The following TMCC1 variants were observed in gnomAD, a reference collection of about 807,000 sequenced individuals.
TMCC1 encodes the protein transmembrane and coiled-coil domains protein 1.
Under a neutral mutation model 52.4 loss-of-function variants are expected in TMCC1, and 15 were observed. The observed-to-expected ratio is 0.29, with a 90% CI of 0.19 to 0.44. The LOEUF (loss-of-function observed/expected upper bound fraction) is 0.44, where lower values mean the gene tolerates loss of function less well. Among genes scored for constraint, TMCC1 ranks in the 20% least tolerant of loss-of-function variants. The probability of loss-of-function intolerance (pLI) is 1.00; values close to 1 mark genes in which losing one functional copy is unlikely to be tolerated. For synonymous variants in TMCC1, 279 were observed against 301.9 expected (o/e 0.92, Z 0.79); for missense variants, 503 against 806.0 (o/e 0.62, Z 4.55).
At position 129,825,096 on chromosome 3, in the gene TMCC1, C is replaced by T. The variant is rs188601481; in HGVS notation, c.576+2707G>A. Among the ~76,000 whole-genome samples the T allele has an allele frequency of 4.6e-5, 7 of 152,296 alleles. No homozygotes were observed. In the East Asian group the frequency reaches 1.3e-3, roughly 29 times the overall value. ...CAATGTCCTGTCAGGCATCCATCCC[C>T]TCACTTCCACCTACCAATCCTCACC... On this transcript the variant is annotated intron_variant, in intron 4 of 6. Coordinates refer to ENST00000393238, the MANE Select transcript of TMCC1 (RefSeq NM_001017395.5).
In TMCC1 at chr3:129,649,760, C is replaced by A. The variant is rs2086215486; in HGVS notation, c.*1721G>T. The A allele has an allele frequency of 6.6e-6, 1 of 152,336 alleles. No individual in the cohort carries two copies. Among genetic ancestry groups the A allele is most frequent in the Non-Finnish European group, 1.5e-5 (1 of 68,026 alleles). 9.4% of individuals were successfully genotyped at this position (152,336 alleles called of 1,614,324 possible). Reference sequence around the variant, plus strand: ...GGCATCTTATATGCACTTGGTTGCACAGAATGAGGCTAAGAGGGAACAGCA... The same window carrying A: ...GGCATCTTATATGCACTTGGTTGCAAAGAATGAGGCTAAGAGGGAACAGCA... On this transcript the variant is annotated 3_prime_UTR_variant, in exon 7 of 7. Transcript: ENST00000393238.
chr3:129,731,879 C>T (rs1433772328), intron 4 of TMCC1, among the ~76,000 whole-genome samples: 1 of 152,092 alleles, frequency 6.6e-6, no homozygotes, highest in African/African-American at 2.4e-5. Context: ...CCTGCCTCAG[C>T]CTCCCAAAGG....
chr3:129,726,479 T>C (rs1366138168), intron 4 of TMCC1, among the ~76,000 whole-genome samples: 1 of 152,322 alleles, frequency 6.6e-6, no homozygotes, highest in African/African-American at 2.4e-5. Context: ...GATTATTTTA[T>C]TGTGCTTTAC....
chr3:129,789,472 C>T (rs1283376026), intron 4 of TMCC1, among the ~76,000 whole-genome samples: 1 of 152,164 alleles, frequency 6.6e-6, no homozygotes, highest in Non-Finnish European at 1.5e-5. Context: ...CAAATTCTGA[C>T]CAACATTTCT....
intron 4 of TMCC1, among the ~76,000 whole-genome samples, chr3:129,761,435 G>C (rs1019756975): frequency 6.6e-6 from 1 of 151,672 alleles, no homozygotes. Context: ...CTCACACAGG[G>C]TCTTGCCTTG....
In TMCC1 at chr3:129,675,280, G is replaced by C. The variant is rs577142389; in HGVS notation, c.577-4016C>G. Among the ~76,000 whole-genome samples, 101 of 152,342 alleles carry C rather than the reference G, an allele frequency of 6.6e-4. 1 individual carries two copies. The South Asian group carries it at 0.02, about 31-fold the overall frequency. Reference sequence around the variant, plus strand: ...GGAAAGGCACAAATCCAACAAACAAGATTGAGTCTGGCTCCATATAGTACA... The same window carrying C: ...GGAAAGGCACAAATCCAACAAACAACATTGAGTCTGGCTCCATATAGTACA... On this transcript the variant is annotated intron_variant, in intron 4 of 6. Coordinates refer to ENST00000393238, the MANE Select transcript of TMCC1 (RefSeq NM_001017395.5).
At chr3:129,780,672 G>T (rs1451913411) in intron 4 of TMCC1, among the ~76,000 whole-genome samples, 1 of 151,894 alleles carries the variant, frequency 6.6e-6, no homozygotes, top group Admixed American at 6.6e-5. Flanking sequence ...CCAGAGTCTT[G>T]GCTTAAAATG....
At chr3:129,769,631 A>C (rs570221073) in intron 4 of TMCC1, among the ~76,000 whole-genome samples, 1 of 151,372 alleles carries the variant, frequency 6.6e-6, no homozygotes, top group African/African-American at 2.4e-5. Flanking sequence ...TCTTCTTCCA[A>C]TGTGGTGTAG....
At chr3:129,764,757 G>GTGTGTA (rs1311267538) in intron 4 of TMCC1, among the ~76,000 whole-genome samples, 1 of 73,416 alleles carries the variant, frequency 1.4e-5, no homozygotes, top group African/African-American at 9.9e-5. Flanking sequence ...GTGTGTGTGT[G>GTGTGTA]TATATATATA....
chr3:129,808,842 A>T (rs1240648794), intron 4 of TMCC1, among the ~76,000 whole-genome samples: 1 of 151,426 alleles, frequency 6.6e-6, no homozygotes, highest in African/African-American at 2.4e-5. Context: ...GTTATTTAGA[A>T]AATATTTAGA....
At chr3:129,701,858 C>T (rs2108974187) in intron 4 of TMCC1, among the ~76,000 whole-genome samples, 1 of 152,244 alleles carries the variant, frequency 6.6e-6, no homozygotes, top group East Asian at 1.9e-4. Context: ...CACCTCCAGA[C>T]TCAAAGATGG....
chr3:129,672,803 T>C (rs1454993985), intron 4 of TMCC1, among the ~76,000 whole-genome samples: 2 of 152,306 alleles, frequency 1.3e-5, no homozygotes, highest in East Asian at 3.9e-4. Context: ...CCTCATATTT[T>C]CATGACAATA....
chr3:129,689,447 G>T (rs2089642790), intron 4 of TMCC1, among the ~76,000 whole-genome samples: 1 of 152,184 alleles, frequency 6.6e-6, no homozygotes, highest in Admixed American at 6.5e-5. Context: ...ATATAGTGTG[G>T]CATGTATAAA....
intron 4 of TMCC1, among the ~76,000 whole-genome samples, chr3:129,743,447 G>C (rs2051640377): frequency 6.6e-6 from 1 of 152,072 alleles, no homozygotes; most frequent in Non-Finnish European, 1.5e-5. Context: ...TGTACTCCAT[G>C]GTATCGCCTA....
chr3:129,844,566 AG>A (rs1481748259), intron 2 of TMCC1, among the ~76,000 whole-genome samples: 2 of 152,122 alleles, frequency 1.3e-5, no homozygotes, highest in Non-Finnish European at 2.9e-5. Flanking sequence ...TTGCATTGGT[AG>A]TTTTTGCCTT....
chr3:129,813,449 A>G (rs2057932273), intron 4 of TMCC1, among the ~76,000 whole-genome samples: 1 of 152,234 alleles, frequency 6.6e-6, no homozygotes, highest in Non-Finnish European at 1.5e-5. Flanking sequence ...AAAATGTGGT[A>G]CATGTACACC....
At chr3:129,860,324 C>A (rs894326362) in intron 2 of TMCC1, among the ~76,000 whole-genome samples, 26 of 152,162 alleles carry the variant, frequency 1.7e-4, no homozygotes, top group African/African-American at 6.0e-4. Flanking sequence ...CCCACCTCAG[C>A]CTCCCAAAGT....
At chr3:129,853,883 T>A (rs894492789) in intron 2 of TMCC1, among the ~76,000 whole-genome samples, 6 of 152,148 alleles carry the variant, frequency 3.9e-5, no homozygotes, top group African/African-American at 1.4e-4. Context: ...GTAGGACTCC[T>A]CTCTTCTCCA....
intron 4 of TMCC1, among the ~76,000 whole-genome samples, chr3:129,770,632 G>GAAATAAAATAAAATAAAATA (rs564101821): frequency 7.1e-6 from 1 of 140,704 alleles, no homozygotes; most frequent in Non-Finnish European, 1.6e-5. Context: ...GAAATGAAAT[G>GAAATAAAATAAAATAAAATA]AAATAAAATA....
Sources: gnomAD v4.1 joint callset for allele counts (sites outside exome capture counted in the v4.1 genomes callset) on GRCh38, gnomAD v4.1.1 for gene constraint, MANE v1.5 for transcripts, NCBI Gene and HGNC (gene_info 2026-07-23, HGNC 2026-07-21) for gene names.